Variants in PHACTR1 observed in about 807,000 individuals in gnomAD.
PHACTR1 encodes the protein RPEL repeat containing 1.
Under a neutral mutation model 69.2 loss-of-function variants are expected in PHACTR1, and 16 were observed. The ratio of observed to expected loss-of-function variants is 0.23; its 90% CI spans 0.16 to 0.35. PHACTR1 has a LOEUF of 0.35. Ranked by LOEUF, PHACTR1 falls within the 10% of genes least tolerant of loss-of-function variation. The pLI is 1.00. For missense variants in PHACTR1, 510 were observed against 734.7 expected, an observed-to-expected ratio of 0.69 and a Z score of 3.54; for synonymous variants, 312 against 284.5, an observed-to-expected ratio of 1.10 and a Z score of -0.97.
intron 5 of PHACTR1, among the ~76,000 whole-genome samples, chr6:13,098,263 A>G (rs9369815): frequency 0.55 from 83,890 of 151,908 alleles, 23,591 homozygotes; most frequent in East Asian, 0.83. Context: ...CATCCCAAGA[A>G]TATTTACCCA....
chr6:12,772,114 A>G (rs1769462412), intron 4 of PHACTR1, among the ~76,000 whole-genome samples: 1 of 152,206 alleles, frequency 6.6e-6, no homozygotes, highest in Non-Finnish European at 1.5e-5. Flanking sequence ...AGGTGAGAAC[A>G]AGTGCCCTAG....
intron 12 of PHACTR1, chr6:13,280,851 G>A: frequency 5.2e-6 from 4 of 762,696 alleles, no homozygotes; most frequent in Non-Finnish European, 7.6e-6. Context: ...TCAGGTTCCA[G>A]ATGCCCCGAA....
intron 4 of PHACTR1, among the ~76,000 whole-genome samples, chr6:12,842,718 T>C: frequency 6.7e-6 from 1 of 149,982 alleles, no homozygotes; most frequent in African/African-American, 2.5e-5. Context: ...ATTTTTTTTT[T>C]TGCTGTTGTT....
chr6:13,070,745 G>A (rs1413289030), intron 5 of PHACTR1, among the ~76,000 whole-genome samples: 1 of 151,944 alleles, frequency 6.6e-6, no homozygotes, highest in African/African-American at 2.4e-5. Flanking sequence ...GGTGATTTTG[G>A]TCACTAATTC....
chr6:13,281,130 T>C, intron 12 of PHACTR1: 2 of 1,288,762 alleles, frequency 1.6e-6, no homozygotes, highest in Non-Finnish European at 2.0e-6. Flanking sequence ...GCAGCATTTA[T>C]GCTTAGTCTT....
At chr6:13,153,018 G>A (rs1295517523) in intron 5 of PHACTR1, among the ~76,000 whole-genome samples, 1 of 152,120 alleles carries the variant, frequency 6.6e-6, no homozygotes, top group Non-Finnish European at 1.5e-5. Context: ...ACAGCGACTG[G>A]GAATGTACTA....
At chr6:13,207,048 TAC>T (rs139552506) in intron 8 of PHACTR1, among the ~76,000 whole-genome samples, 13 of 152,056 alleles carry the variant, frequency 8.5e-5, no homozygotes, top group Non-Finnish European at 1.3e-4. Flanking sequence ...CATACACATG[TAC>T]ACACACACAC....
At chr6:13,036,590 A>T (rs1803342261) in intron 4 of PHACTR1, among the ~76,000 whole-genome samples, 1 of 152,228 alleles carries the variant, frequency 6.6e-6, no homozygotes, top group Non-Finnish European at 1.5e-5. Flanking sequence ...GCCAATGGTC[A>T]CCTTGAAACA....
intron 5 of PHACTR1, among the ~76,000 whole-genome samples, chr6:13,130,639 C>G (rs1300897493): frequency 2.0e-5 from 3 of 152,062 alleles, no homozygotes; most frequent in African/African-American, 7.2e-5. Context: ...CGACCAATAA[C>G]AAGCAGTGAG....
intron 4 of PHACTR1, among the ~76,000 whole-genome samples, chr6:12,921,809 A>AGGGAGGGAAGAAGGAAGGGAGGGC (rs1312249871): frequency 1.3e-4 from 1 of 7,694 alleles, no homozygotes. Flanking sequence ...GAAGGGAGGG[A>AGGGAGGGAAGAAGGAAGGGAGGGC]GGGAGCAAGG....
At chr6:12,858,449 G>C (rs1780620110) in intron 4 of PHACTR1, among the ~76,000 whole-genome samples, 1 of 152,104 alleles carries the variant, frequency 6.6e-6, no homozygotes, top group Non-Finnish European at 1.5e-5. Context: ...TGATAATAGT[G>C]GCACATTTGC....
intron 4 of PHACTR1, among the ~76,000 whole-genome samples, chr6:12,970,568 G>A (rs1000189105): frequency 6.6e-6 from 1 of 152,140 alleles, no homozygotes; most frequent in African/African-American, 2.4e-5. Flanking sequence ...AGATCATCCT[G>A]GCCAACATGA....
At chr6:12,899,090 C>A (rs140470882) in intron 4 of PHACTR1, among the ~76,000 whole-genome samples, 42 of 152,322 alleles carry the variant, frequency 2.8e-4, no homozygotes, top group African/African-American at 9.9e-4. Context: ...TGCATTCTCC[C>A]AGAGCACCTG....
intron 10 of PHACTR1, among the ~76,000 whole-genome samples, chr6:13,262,091 G>A (rs1010036615): frequency 1.3e-5 from 2 of 152,174 alleles, no homozygotes; most frequent in African/African-American, 4.8e-5. Flanking sequence ...TGTATGGGCT[G>A]GAGGAGGACC....
At chr6:12,749,301 G>T (rs540862484) in intron 3 of PHACTR1, 13 of 400,420 alleles carry the variant, frequency 3.2e-5, no homozygotes, top group African/African-American at 2.7e-4. Context: ...GCTGCAGGCG[G>T]GAGGCGGGGT....
chr6:13,053,995 G>C (rs1293080895), intron 5 of PHACTR1, among the ~76,000 whole-genome samples: 1 of 94,838 alleles, frequency 1.1e-5, no homozygotes, highest in African/African-American at 4.0e-5. Context: ...GGAAAACAAA[G>C]AATACAAATG....
At chr6:13,263,917 C>T (rs537651122) in intron 10 of PHACTR1, among the ~76,000 whole-genome samples, 1 of 152,150 alleles carries the variant, frequency 6.6e-6, no homozygotes, top group Non-Finnish European at 1.5e-5. Flanking sequence ...CCAGGTACAT[C>T]GATCATAAAA....
intron 4 of PHACTR1, among the ~76,000 whole-genome samples, chr6:12,802,506 A>G (rs958183912): frequency 1.6e-4 from 25 of 152,232 alleles, no homozygotes; most frequent in Non-Finnish European, 3.1e-4. Flanking sequence ...ATTAGAGATG[A>G]CCTGCCAGAT....
At chr6:12,852,959 G>A (rs1779977148) in intron 4 of PHACTR1, among the ~76,000 whole-genome samples, 1 of 152,036 alleles carries the variant, frequency 6.6e-6, no homozygotes, top group South Asian at 2.1e-4. Context: ...TCAGCACTGG[G>A]TATAATGCAT....
Sources: gnomAD v4.1 joint callset for allele counts (sites outside exome capture counted in the v4.1 genomes callset) on GRCh38, gnomAD v4.1.1 for gene constraint, MANE v1.5 for transcripts, NCBI Gene and HGNC (gene_info 2026-07-23, HGNC 2026-07-21) for gene names.